Variants in SH3BP1 observed in about 807,000 individuals in gnomAD.
The protein encoded by SH3BP1 is SH3 domain binding protein 1.
Under a neutral mutation model 69.8 loss-of-function variants are expected in SH3BP1, and 46 were observed. The observed-to-expected ratio is 0.66, with a 90% CI of 0.52 to 0.84. The LOEUF is 0.84. Ranked by LOEUF, SH3BP1 falls within the 40% of genes least tolerant of loss-of-function variation. The pLI, the probability that SH3BP1 is intolerant of heterozygous loss-of-function variation, is 0.00. For missense variants in SH3BP1, 868 were observed against 930.9 expected (o/e 0.93, Z 0.88); for synonymous variants, 403 against 378.0 (o/e 1.07, Z -0.77).
chr22:37,642,464 CAAGGGGCT>C, intron 3 of SH3BP1, 67 bp from the exon 4 acceptor site: 1 of 1,517,378 alleles, frequency 6.6e-7, no homozygotes. Context: ...TCCCCTGCCC[CAAGGGGCT>C]GGCCTGGTGC....
At chr22:37,640,972 G>A in intron 1 of SH3BP1, 154 bp from the exon 2 acceptor site, 3 of 641,766 alleles carry the variant, frequency 4.7e-6, no homozygotes, top group Admixed American at 2.5e-5. Context: ...CTGGGATGAA[G>A]CAACTGGGCC....
In SH3BP1 at chr22:37,655,301, A is replaced by G. The variant is rs200015398; in HGVS notation, c.1723A>G (p.Met575Val). 8.3e-6 allele frequency: 13 copies of G among 1,572,062 alleles called. No individual in the cohort carries two copies. The highest frequency in any genetic ancestry group is 1.1e-5 in the Non-Finnish European group (13 of 1,162,246). The change falls in exon 18 of 18, where the codon ATG becomes GTG. Residue 575 changes from methionine (M) to valine (V), a missense_variant. By Grantham distance (21) the Met-to-Val change is conservative (BLOSUM62 1). Around this residue, in one of 3 missense-constraint regions of SH3BP1, gnomAD observed 474 missense variants for 462.3 expected, o/e 1.03. Transcript: ENST00000649765. ...TKRPAPARPT[M>V]PPPQVSGSRS... The stretch of plus-strand genomic sequence containing the variant: ...GCGCCCGGCGCCAGCCCGGCCCACC[A>G]TGCCGCCCCCCCAGGTCTCCGGCTC...
intron 16 of SH3BP1, among the ~76,000 whole-genome samples, chr22:37,651,332 CCT>C (rs1427038922): frequency 6.6e-6 from 1 of 150,916 alleles, no homozygotes; most frequent in African/African-American, 2.4e-5. Flanking sequence ...CTGCACCCAG[CCT>C]CTTTTTTTTT....
chr22:37,642,689 G>A, intron 4 of SH3BP1, 74 bp downstream of exon 4: 1 of 1,610,782 alleles, frequency 6.2e-7, no homozygotes. Context: ...GGTCCAGGTG[G>A]TGAGGGCATC....
At position 37,655,914 on chromosome 22, in the gene SH3BP1, ACT is replaced by A; in HGVS notation, c.*234_*235del. 6.4e-7 allele frequency: 1 copy of A among 1,565,894 alleles called. No homozygotes were observed. The highest frequency in any genetic ancestry group is 8.6e-7 in the Non-Finnish European group (1 of 1,162,120). ...TGGGGACCCCCCCACCGGACTCTCC[ACT>A]CTCCGGCAGGTCCTAGGGGAGCCAC... On this transcript the variant is annotated 3_prime_UTR_variant, in exon 18 of 18. Coordinates refer to ENST00000649765, the MANE Select transcript of SH3BP1 (RefSeq NM_018957.6).
chr22:37,645,548 G>T, intron 10 of SH3BP1, 38 bp downstream of exon 10: 1 of 1,583,104 alleles, frequency 6.3e-7, no homozygotes, highest in Non-Finnish European at 8.6e-7. Context: ...GGAGCACTGG[G>T]GCCCTCATTC....
At chr22:37,654,402 C>G (rs570026764) in intron 17 of SH3BP1, among the ~76,000 whole-genome samples, 2 of 152,106 alleles carry the variant, frequency 1.3e-5, no homozygotes, top group Admixed American at 1.3e-4. Flanking sequence ...GAAACCTCAC[C>G]TCTACTAAAA....
chr22:37,643,799 T>C lies in SH3BP1; in HGVS notation c.618+11T>C, dbSNP rs1207753190. 1.9e-6 allele frequency: 3 copies of C among 1,612,008 alleles called. No homozygotes were observed. In the South Asian group the frequency reaches 3.3e-5, roughly 18 times the overall value. ...GTGGAGCAATGCAGGGTGAGGGCCA[T>C]GGGGGTCCCCTGGATATGTAGGGGT... On this transcript the variant is annotated intron_variant, in intron 7 of 17. Transcript: ENST00000649765.
chr22:37,641,891 A>G (rs981204983), intron 3 of SH3BP1: 1 of 199,702 alleles, frequency 5.0e-6, no homozygotes, highest in South Asian at 7.9e-5. Flanking sequence ...ATATGAGTGC[A>G]CTGTCTCATG....
chr22:37,647,196 G>A, intron 11 of SH3BP1, 71 bp from the exon 12 acceptor site: 1 of 1,351,708 alleles, frequency 7.4e-7, no homozygotes, highest in Non-Finnish European at 1.1e-6. Context: ...AAGGGCCGGA[G>A]GTTCCTTCTA....
chr22:37,654,265 G>A (rs1569012126), intron 17 of SH3BP1, among the ~76,000 whole-genome samples: 1 of 152,058 alleles, frequency 6.6e-6, no homozygotes, highest in Non-Finnish European at 1.5e-5. Context: ...GTGGAAGGAG[G>A]GAGTCTTCAA....
At chr22:37,653,911 T>C (rs775465898) in intron 17 of SH3BP1, 38 bp downstream of exon 17, 39 of 430,510 alleles carry the variant, frequency 9.1e-5, no homozygotes, top group Non-Finnish European at 1.7e-4. Context: ...GGACAGAGGG[T>C]GGGCGGGGAG....
chr22:37,654,585 GAAAA>G (rs1255718154), intron 17 of SH3BP1, among the ~76,000 whole-genome samples: 2 of 150,984 alleles, frequency 1.3e-5, no homozygotes, highest in South Asian at 2.1e-4. Context: ...AAAAAAAAAA[GAAAA>G]AAGGCAGTGG....
At position 37,645,425 on chromosome 22, in the gene SH3BP1, C is replaced by T; in HGVS notation, c.839C>T (p.Thr280Ile). The change falls in exon 10 of 18, where the codon ACC becomes ATC. Residue 280 changes from threonine to isoleucine, a missense_variant. By Grantham distance (89) the Thr-to-Ile change is moderately conservative (BLOSUM62 -1). Transcript: ENST00000649765. ...FPRVYGVSLA[T>I]HLQELGREIA... ...AGGGTGTATGGGGTGTCGCTGGCAACCCACCTGCAAGAGCTGGGCCGGGAG... is the reference window on the plus strand; with the variant it reads ...AGGGTGTATGGGGTGTCGCTGGCAATCCACCTGCAAGAGCTGGGCCGGGAG... 1 of 1,613,922 alleles carries T rather than the reference C, an allele frequency of 6.2e-7. No homozygotes were observed. The highest frequency in any genetic ancestry group is 2.2e-5 in the East Asian group (1 of 44,872).
chr22:37,645,316 T>G (rs948247708), intron 9 of SH3BP1, 49 bp from the exon 10 acceptor site: 1 of 1,567,618 alleles, frequency 6.4e-7, no homozygotes. Context: ...CCTGCCTGAC[T>G]GCTCGGGGTG....
At position 37,656,008 on chromosome 22, in the gene SH3BP1, A is replaced by C; in HGVS notation, c.*324A>C. 1 of 1,451,470 alleles carries C rather than the reference A, an allele frequency of 6.9e-7. No homozygotes were observed. The allele number at this position is 1,451,470 out of a possible 1,614,324, so 89.9% of individuals were successfully genotyped here. ...CTTCTCTTGCCGACATGTTTTTTGT[A>C]AGGCTGGTAAATAAATTATTTTGGA... On this transcript the variant is annotated 3_prime_UTR_variant, in exon 18 of 18. Coordinates refer to ENST00000649765, the MANE Select transcript of SH3BP1 (RefSeq NM_018957.6).
rs1336663449 is a variant in SH3BP1 at position 37,643,054 on chromosome 22, T to C, written c.397-44T>C. 1.9e-6 allele frequency: 3 copies of C among 1,607,564 alleles called. No homozygotes were observed. In the Middle Eastern group the frequency reaches 5.0e-4, roughly 265 times the overall value. The stretch of plus-strand genomic sequence containing the variant: ...GCCCCCAGCTTCCCCAGCTTCTGGC[T>C]CCCTCCTCCCCCAGCACACTGACCC... On this transcript the variant is annotated intron_variant, in intron 5 of 17. Transcript: ENST00000649765.
Position 37,650,683 on chromosome 22 carries a change from C to A in SH3BP1, c.1556C>A (p.Pro519Gln). Reference protein sequence around the residue: ...TTPAPAPAPAPAPAPALASAA... With the variant: ...TTPAPAPAPAQAPAPALASAA... ...CCGGCTCCGGCTCCGGCTCCAGCTC[C>A]AGCTCCGGCCCCAGCCTTGGCTTCA... Residue 519 changes from proline to glutamine, a missense_variant, in exon 16 of 18, where the codon CCA (proline) becomes CAA (glutamine). Transcript: ENST00000649765. 6.2e-7 allele frequency: 1 copy of A among 1,613,602 alleles called. No individual in the cohort carries two copies. Among genetic ancestry groups the A allele is most frequent in the Non-Finnish European group, 8.5e-7 (1 of 1,179,806 alleles).
chr22:37,643,465 C>T (rs533022003), intron 6 of SH3BP1, 179 bp from the exon 7 acceptor site: 13 of 837,298 alleles, frequency 1.6e-5, no homozygotes, highest in Non-Finnish European at 2.2e-5. Context: ...ACCAAATCTG[C>T]CACCAGGGGG....
Sources: allele counts gnomAD v4.1 joint callset (sites outside exome capture counted in the v4.1 genomes callset), GRCh38; gene constraint gnomAD v4.1.1; regional missense constraint gnomAD v4.1.1; transcripts MANE v1.5; gene names NCBI Gene and HGNC (gene_info 2026-07-23, HGNC 2026-07-21).